Variants in GALNTL6 observed in about 807,000 individuals in gnomAD.
The protein encoded by GALNTL6 is polypeptide N-acetylgalactosaminyltransferase like 6, also known as polypeptide N-acetylgalactosaminyltransferase-like 6.
Under a neutral mutation model 73.7 loss-of-function variants are expected in GALNTL6, and 46 were observed. The observed-to-expected ratio is 0.62, with a 90% CI of 0.49 to 0.80. GALNTL6 has a LOEUF of 0.80. Among genes scored for constraint, GALNTL6 ranks in the 30% least tolerant of loss-of-function variants. The probability of loss-of-function intolerance (pLI) is 0.00; values close to 1 mark genes in which losing one functional copy is unlikely to be tolerated. For synonymous variants in GALNTL6, 259 were observed against 263.7 expected, an observed-to-expected ratio of 0.98 and a Z score of 0.17; for missense variants, 604 against 755.0, an observed-to-expected ratio of 0.80 and a Z score of 2.34.
intron 4 of GALNTL6, among the ~76,000 whole-genome samples, chr4:172,330,733 A>C (rs1413802780): frequency 6.6e-6 from 1 of 152,094 alleles, no homozygotes; most frequent in East Asian, 1.9e-4. Flanking sequence ...AATTTCATTA[A>C]ATTTGGAAAT....
intron 2 of GALNTL6, among the ~76,000 whole-genome samples, chr4:171,873,665 CTCTT>C (rs1479972139): frequency 2.0e-5 from 3 of 152,134 alleles, no homozygotes; most frequent in Non-Finnish European, 2.9e-5. Flanking sequence ...TACTTCTACT[CTCTT>C]TATAAGTAAT....
At chr4:171,879,889 T>C (rs1335025280) in intron 2 of GALNTL6, among the ~76,000 whole-genome samples, 1 of 152,204 alleles carries the variant, frequency 6.6e-6, no homozygotes, top group African/African-American at 2.4e-5. Flanking sequence ...TTCAAACAAG[T>C]ATTTTGTTAA....
chr4:173,010,304 A>G (rs995895611), intron 11 of GALNTL6, among the ~76,000 whole-genome samples: 3 of 151,922 alleles, frequency 2.0e-5, no homozygotes, highest in African/African-American at 7.3e-5. Flanking sequence ...TAACATAATG[A>G]CCTCCAGTTC....
At chr4:172,403,357 T>C (rs556499285) in intron 5 of GALNTL6, among the ~76,000 whole-genome samples, 2 of 152,146 alleles carry the variant, frequency 1.3e-5, no homozygotes, top group Admixed American at 1.3e-4. Flanking sequence ...CAGAAACAAT[T>C]CAAGTAATAA....
intron 2 of GALNTL6, among the ~76,000 whole-genome samples, chr4:171,869,451 A>G (rs1365697771): frequency 6.6e-6 from 1 of 152,106 alleles, no homozygotes; most frequent in Non-Finnish European, 1.5e-5. Flanking sequence ...ACCCCTGCCC[A>G]TCTTCCAATA....
intron 2 of GALNTL6, among the ~76,000 whole-genome samples, chr4:172,091,409 T>C (rs137924121): frequency 2.0e-5 from 3 of 152,174 alleles, no homozygotes; most frequent in Admixed American, 6.5e-5. Flanking sequence ...CCTCTCTTCT[T>C]GAGATCCCCC....
At chr4:172,258,075 T>C (rs753857096) in intron 3 of GALNTL6, among the ~76,000 whole-genome samples, 3 of 151,416 alleles carry the variant, frequency 2.0e-5, no homozygotes, top group Non-Finnish European at 4.5e-5. Flanking sequence ...TATTCTATAA[T>C]CATTTTAGCT....
chr4:172,619,309 T>C (rs569637289), intron 5 of GALNTL6, among the ~76,000 whole-genome samples: 11 of 152,310 alleles, frequency 7.2e-5, no homozygotes, highest in African/African-American at 2.6e-4. Context: ...TCTGAAAATA[T>C]GCATGAGTGC....
intron 10 of GALNTL6, among the ~76,000 whole-genome samples, chr4:172,956,442 C>T (rs1022384417): frequency 2.6e-5 from 4 of 152,156 alleles, no homozygotes; most frequent in Admixed American, 1.3e-4. Flanking sequence ...TTCAGCATAG[C>T]CCTGCCAGCA....
At chr4:172,260,148 T>A (rs1738208569) in intron 3 of GALNTL6, among the ~76,000 whole-genome samples, 1 of 151,866 alleles carries the variant, frequency 6.6e-6, no homozygotes, top group Non-Finnish European at 1.5e-5. Flanking sequence ...GATGGTACTT[T>A]GACGAGAATT....
chr4:172,642,917 G>A (rs1026707296), intron 5 of GALNTL6, among the ~76,000 whole-genome samples: 3 of 151,644 alleles, frequency 2.0e-5, no homozygotes, highest in African/African-American at 7.3e-5. Context: ...GTCACTTATT[G>A]AGCCTCAGAC....
At chr4:172,171,945 T>C (rs545571586) in intron 2 of GALNTL6, among the ~76,000 whole-genome samples, 8 of 152,260 alleles carry the variant, frequency 5.3e-5, no homozygotes, top group East Asian at 3.9e-4. Flanking sequence ...CAACACTCCA[T>C]TGGGTGGTAT....
intron 7 of GALNTL6, among the ~76,000 whole-genome samples, chr4:172,869,598 A>G (rs1744823006): frequency 1.3e-5 from 2 of 152,144 alleles, no homozygotes; most frequent in Middle Eastern, 3.2e-3. Flanking sequence ...TCTACATTCA[A>G]TCCTTAACAC....
chr4:172,708,400 A>G (rs1370655611), intron 5 of GALNTL6, among the ~76,000 whole-genome samples: 1 of 152,186 alleles, frequency 6.6e-6, no homozygotes, highest in Admixed American at 6.6e-5. Context: ...GGTGTCATCC[A>G]GGCATTTCTC....
intron 3 of GALNTL6, among the ~76,000 whole-genome samples, chr4:172,272,431 A>G (rs1009254514): frequency 1.3e-5 from 2 of 152,238 alleles, no homozygotes; most frequent in Non-Finnish European, 2.9e-5. Flanking sequence ...GCCATACAAT[A>G]TACCTATTGC....
At chr4:172,903,272 G>A (rs1269183594) in intron 8 of GALNTL6, among the ~76,000 whole-genome samples, 1 of 152,108 alleles carries the variant, frequency 6.6e-6, no homozygotes. Context: ...AAAAAAGATG[G>A]AGACTTATAC....
In GALNTL6 at chr4:171,877,478, T is replaced by C. The variant is rs193074765; in HGVS notation, c.138+62760T>C. On this transcript the variant is annotated intron_variant, in intron 2 of 12. Transcript: ENST00000506823. ...AATCCGAGATCATGACAGGCCTTCA[T>C]AGAAAGTGCCCAACTGTGGCAGGCA... 1.4e-3 allele frequency among the ~76,000 whole-genome samples: 211 copies of C among 152,316 alleles called. 1 individual carries two copies. Among genetic ancestry groups the C allele is most frequent in the African/African-American group, 4.8e-3 (201 of 41,576 alleles).
At chr4:172,030,373 T>C (rs1246443403) in intron 2 of GALNTL6, among the ~76,000 whole-genome samples, 1 of 152,056 alleles carries the variant, frequency 6.6e-6, no homozygotes, top group Non-Finnish European at 1.5e-5. Context: ...AGGTACCTAG[T>C]ATCCTTCTTG....
At chr4:172,515,463 G>A (rs574883338) in intron 5 of GALNTL6, among the ~76,000 whole-genome samples, 4 of 152,338 alleles carry the variant, frequency 2.6e-5, no homozygotes, top group Admixed American at 1.3e-4. Context: ...CGGATTCTCC[G>A]AATATTTAGG....
Sources: allele counts gnomAD v4.1 joint callset (sites outside exome capture counted in the v4.1 genomes callset), GRCh38; gene constraint gnomAD v4.1.1; transcripts MANE v1.5; gene names NCBI Gene and HGNC (gene_info 2026-07-23, HGNC 2026-07-21).